KPNA3: variants seen among roughly 807,000 people sequenced by gnomAD.
KPNA3 encodes karyopherin subunit alpha 3.
Under a neutral mutation model 73.8 loss-of-function variants are expected in KPNA3, and 13 were observed. That is an observed-to-expected ratio of 0.18 (90% confidence interval 0.11 to 0.28). The LOEUF (loss-of-function observed/expected upper bound fraction) is 0.28, where lower values mean the gene tolerates loss of function less well. KPNA3 is among the 10% of genes least tolerant of loss of function. The pLI is 1.00. For missense variants in KPNA3, 360 were observed against 618.1 expected (o/e 0.58, Z 4.43); for synonymous variants, 186 against 206.9 (o/e 0.90, Z 0.87).
intron 2 of KPNA3, among the ~76,000 whole-genome samples, chr13:49,742,155 T>G (rs964922805): frequency 6.6e-6 from 1 of 152,206 alleles, no homozygotes; most frequent in Admixed American, 6.6e-5. Context: ...GACTGTCCTT[T>G]CCTGTGGCAT....
chr13:49,784,285 G>C (rs542651447), intron 1 of KPNA3, among the ~76,000 whole-genome samples: 25 of 152,006 alleles, frequency 1.6e-4, no homozygotes, highest in African/African-American at 6.0e-4. Context: ...CTGAAGGGTG[G>C]TAAAAAAACA....
At chr13:49,750,503 G>A (rs1485780834) in intron 1 of KPNA3, among the ~76,000 whole-genome samples, 4 of 152,066 alleles carry the variant, frequency 2.6e-5, no homozygotes, top group Non-Finnish European at 5.9e-5. Flanking sequence ...GCTCATGTGT[G>A]CACCTACAGT....
At chr13:49,744,164 G>T (rs902718267) in intron 2 of KPNA3, among the ~76,000 whole-genome samples, 7 of 152,152 alleles carry the variant, frequency 4.6e-5, no homozygotes, top group African/African-American at 1.7e-4. Flanking sequence ...TATTCATCAA[G>T]CTGGATACTT....
intron 1 of KPNA3, among the ~76,000 whole-genome samples, chr13:49,757,480 C>A (rs1485270045): frequency 6.6e-6 from 1 of 152,064 alleles, no homozygotes; most frequent in East Asian, 1.9e-4. Context: ...TAGGGAAATG[C>A]AAATTAAAAC....
intron 10 of KPNA3, among the ~76,000 whole-genome samples, chr13:49,712,884 GA>G (rs879363717): frequency 0.022 from 2,603 of 119,434 alleles, 59 homozygotes; most frequent in African/African-American, 0.074. Flanking sequence ...GCTTAGCAGA[GA>G]AAAAAAAAAA....
At chr13:49,731,055 C>CCA (rs770063407) in intron 6 of KPNA3, among the ~76,000 whole-genome samples, 1 of 151,694 alleles carries the variant, frequency 6.6e-6, no homozygotes, top group Non-Finnish European at 1.5e-5. Flanking sequence ...GCTGAGACTA[C>CCA]AGGTGTGAGC....
intron 1 of KPNA3, among the ~76,000 whole-genome samples, chr13:49,778,552 A>G (rs755227225): frequency 6.6e-6 from 1 of 152,230 alleles, no homozygotes; most frequent in Non-Finnish European, 1.5e-5. Context: ...ACCATAAATT[A>G]TAATTGTTTT....
chr13:49,753,005 T>G (rs1289378514), intron 1 of KPNA3, among the ~76,000 whole-genome samples: 1 of 116,220 alleles, frequency 8.6e-6, no homozygotes, highest in African/African-American at 3.4e-5. Flanking sequence ...CCAGCCTGGG[T>G]GACAGAGCGA....
intron 1 of KPNA3, among the ~76,000 whole-genome samples, chr13:49,780,575 G>A (rs952043880): frequency 6.6e-6 from 1 of 151,948 alleles, no homozygotes; most frequent in African/African-American, 2.4e-5. Context: ...ATCCCCTATG[G>A]TATAACCAAA....
intron 15 of KPNA3, among the ~76,000 whole-genome samples, chr13:49,704,348 G>A (rs906360844): frequency 5.3e-5 from 8 of 151,356 alleles, no homozygotes; most frequent in East Asian, 3.9e-4. Context: ...GCTTAAACCC[G>A]GGAGACGGAG....
intron 1 of KPNA3, among the ~76,000 whole-genome samples, chr13:49,756,250 A>G (rs995990386): frequency 2.0e-5 from 3 of 152,220 alleles, no homozygotes; most frequent in Non-Finnish European, 4.4e-5. Flanking sequence ...CTCCAGCCAC[A>G]GCGACAGAGA....
chr13:49,740,490 C>T (rs769540337), intron 2 of KPNA3, among the ~76,000 whole-genome samples: 6 of 151,996 alleles, frequency 3.9e-5, no homozygotes, highest in African/African-American at 1.2e-4. Flanking sequence ...GTCTTTCCTG[C>T]GCTGTTCTCA....
At chr13:49,728,789 A>G (rs1282505821) in intron 6 of KPNA3, among the ~76,000 whole-genome samples, 1 of 152,174 alleles carries the variant, frequency 6.6e-6, no homozygotes, top group Non-Finnish European at 1.5e-5. Context: ...AGCCTGAGAG[A>G]GCTTTACCAG....
chr13:49,712,713 C>G (rs896159306), intron 10 of KPNA3, among the ~76,000 whole-genome samples: 1 of 151,934 alleles, frequency 6.6e-6, no homozygotes, highest in Non-Finnish European at 1.5e-5. Context: ...GCTCATGCAT[C>G]ATTGCACAGG....
chr13:49,778,788 T>G (rs1471359176), intron 1 of KPNA3, among the ~76,000 whole-genome samples: 1 of 152,130 alleles, frequency 6.6e-6, no homozygotes, highest in African/African-American at 2.4e-5. Flanking sequence ...TTAAATTTTG[T>G]GTAGAGATGA....
chr13:49,709,355 C>T (rs919558233), intron 12 of KPNA3, among the ~76,000 whole-genome samples: 2 of 147,260 alleles, frequency 1.4e-5, no homozygotes, highest in East Asian at 2.0e-4. Context: ...GAGCCGAGAT[C>T]GTGCCACTGC....
Position 49,768,567 on chromosome 13 carries a change from A to ATT in KPNA3, c.70-21576_70-21575dup, listed in dbSNP as rs67753113. On this transcript the variant is annotated intron_variant, in intron 1 of 16. Transcript: ENST00000261667. ...GGCCTGTCTTCATTTGGGTTAATCA[A>ATT]TTTTTTTTTTTTTTTTTTTTTTTTT... 4.5e-4 allele frequency among the ~76,000 whole-genome samples: 29 copies of ATT among 64,884 alleles called. 1 individual carries two copies. The highest frequency in any genetic ancestry group is 1.4e-3 in the Admixed American group (8 of 5,582). The allele number at this position is 64,884 out of a possible 152,430, so 42.6% of individuals were successfully genotyped here.
chr13:49,747,253 G>T (rs1044735071), intron 1 of KPNA3, among the ~76,000 whole-genome samples: 1 of 152,156 alleles, frequency 6.6e-6, no homozygotes, highest in African/African-American at 2.4e-5. Context: ...ACTGAGGCAG[G>T]AGAACTGCTT....
chr13:49,761,651 C>T (rs375711550), intron 1 of KPNA3, among the ~76,000 whole-genome samples: 17,176 of 151,596 alleles, frequency 0.11, 1,520 homozygotes, highest in East Asian at 0.56. Context: ...AGCCTCTGCC[C>T]AGCCGCCACC....
Sources: gnomAD v4.1 joint callset for allele counts (sites outside exome capture counted in the v4.1 genomes callset) on GRCh38, gnomAD v4.1.1 for gene constraint, MANE v1.5 for transcripts, NCBI Gene and HGNC (gene_info 2026-07-23, HGNC 2026-07-21) for gene names.